The following CLUL1 variants were observed in gnomAD, a reference collection of about 807,000 sequenced individuals.
The protein encoded by CLUL1 is clusterin like 1.
CLUL1 carries 43 observed loss-of-function variants against 49.4 expected under a neutral mutation model. That is an observed-to-expected ratio of 0.87 (90% CI 0.68 to 1.12). The LOEUF is 1.12. Ranked by LOEUF, CLUL1 falls within the 50% of genes most tolerant of loss-of-function variation. The probability of loss-of-function intolerance (pLI) is 0.00; values close to 1 mark genes in which losing one functional copy is unlikely to be tolerated. For synonymous variants in CLUL1, 192 were observed against 184.9 expected (o/e 1.04, Z -0.31); for missense variants, 486 against 544.4 (o/e 0.89, Z 1.07).
At chr18:600,088 A>G (rs2072781979) in intron 1 of CLUL1, among the ~76,000 whole-genome samples, 1 of 152,170 alleles carries the variant, frequency 6.6e-6, no homozygotes, top group Admixed American at 6.5e-5. Context: ...TGTTAGATGG[A>G]TGATCACTTG....
At chr18:609,810 C>T (rs547963531) in intron 2 of CLUL1, among the ~76,000 whole-genome samples, 12 of 114,962 alleles carry the variant, frequency 1.0e-4, no homozygotes, top group South Asian at 3.1e-4. Context: ...GGTGACAAAG[C>T]GAGACTCTGT....
chr18:624,718 T>C, intron 4 of CLUL1, 147 bp from the exon 5 acceptor site: 1 of 657,776 alleles, frequency 1.5e-6, no homozygotes. Context: ...ACAGAAAGCT[T>C]TGGGGGAGAT....
chr18:610,396 G>A (rs1472208262), intron 2 of CLUL1, among the ~76,000 whole-genome samples: 2 of 152,200 alleles, frequency 1.3e-5, no homozygotes, highest in Non-Finnish European at 2.9e-5. Context: ...AGAAGTCTGG[G>A]ATGATTCCCA....
At chr18:633,480 G>A in intron 7 of CLUL1, 45 bp downstream of exon 7, 1 of 1,540,750 alleles carries the variant, frequency 6.5e-7, no homozygotes, top group Non-Finnish European at 8.9e-7. Flanking sequence ...TAAGTTCTCA[G>A]GTACATTTTG....
chr18:627,554 C>T (rs1002496965), intron 6 of CLUL1, 25 bp downstream of exon 6: 4 of 1,523,956 alleles, frequency 2.6e-6, no homozygotes, highest in Non-Finnish European at 1.8e-6. Context: ...ATTACTTTTA[C>T]TTAGAGGTTT....
At chr18:631,304 T>C (rs1043528756) in intron 6 of CLUL1, among the ~76,000 whole-genome samples, 22 of 152,334 alleles carry the variant, frequency 1.4e-4, no homozygotes, top group African/African-American at 4.6e-4. Context: ...CTTGGAATTA[T>C]CTTCATTTGC....
At chr18:637,365 C>G (rs1374923672) in intron 7 of CLUL1, among the ~76,000 whole-genome samples, 1 of 152,102 alleles carries the variant, frequency 6.6e-6, no homozygotes, top group Admixed American at 6.5e-5. Context: ...GGCCACAGAA[C>G]AAGAACAAGG....
chr18:638,710 T>C (rs2074232959), intron 7 of CLUL1, among the ~76,000 whole-genome samples: 1 of 151,188 alleles, frequency 6.6e-6, no homozygotes, highest in Non-Finnish European at 1.5e-5. Flanking sequence ...ATATAAAAAT[T>C]AGCCAGGTGT....
chr18:640,156 A>C (rs1042341073), intron 7 of CLUL1, among the ~76,000 whole-genome samples: 6 of 152,190 alleles, frequency 3.9e-5, no homozygotes, highest in African/African-American at 1.4e-4. Flanking sequence ...TAGACCTTGA[A>C]GTGATCTTTG....
chr18:619,363 TAC>T lies in CLUL1; in HGVS notation c.255+4_255+5del. On this transcript the variant is annotated splice_donor_region_variant and intron_variant, in intron 4 of 9. Coordinates refer to ENST00000692774, the MANE Select transcript of CLUL1 (RefSeq NM_001393344.1). ...AAGAAATGCAGAGAAGAAAAGCAGG[TAC>T]AGTCATTGAAAATAATGTCTGTTCT... 1 of 1,609,592 alleles carries T rather than the reference TAC, an allele frequency of 6.2e-7. No individual in the cohort carries two copies. The highest frequency in any genetic ancestry group is 8.5e-7 in the Non-Finnish European group (1 of 1,178,416).
In CLUL1 at chr18:641,118, A is replaced by G. The variant is rs1328727914; in HGVS notation, c.995-209A>G. On this transcript the variant is annotated intron_variant, in intron 7 of 9. Coordinates refer to ENST00000692774, the MANE Select transcript of CLUL1 (RefSeq NM_001393344.1). ...GTCTCCAGCCCAGTTTCTGTTACAT[A>G]AAACCATATAATTAACAGTTAAACT... 3.9e-5 allele frequency among the ~76,000 whole-genome samples: 6 copies of G among 152,210 alleles called. No homozygotes were observed. In the East Asian group the frequency reaches 1.2e-3, roughly 29 times the overall value.
intron 2 of CLUL1, chr18:612,659 C>A (rs2073170774): frequency 6.6e-6 from 1 of 152,232 alleles, no homozygotes; most frequent in East Asian, 1.9e-4. Context: ...GTAGCTCCTC[C>A]CCTTCTAAGT....
At chr18:604,622 A>G (rs1179627474) in intron 1 of CLUL1, among the ~76,000 whole-genome samples, 1 of 152,252 alleles carries the variant, frequency 6.6e-6, no homozygotes, top group East Asian at 1.9e-4. Context: ...AACATAAACT[A>G]TGAACTTAAA....
Position 618,203 on chromosome 18 carries a change from C to A in CLUL1, c.106+97C>A. 1 of 884,340 alleles carries A rather than the reference C, an allele frequency of 1.1e-6. No homozygotes were observed. Among genetic ancestry groups the A allele is most frequent in the Admixed American group, 2.1e-5 (1 of 46,692 alleles). The allele number at this position is 884,340 out of a possible 1,614,324, so 54.8% of individuals were successfully genotyped here. A position where few individuals can be genotyped will look rare whatever the true frequency, so the allele number is the denominator to read the frequency against. On this transcript the variant is annotated intron_variant, in intron 3 of 9. Coordinates refer to ENST00000692774, the MANE Select transcript of CLUL1 (RefSeq NM_001393344.1). The surrounding 1 kb of genome is among the most constrained non-coding windows in gnomAD (Gnocchi z 4.2). The stretch of plus-strand genomic sequence containing the variant: ...CGCAGTTGAGAGATAACCATATTCG[C>A]TGTTTTCACGGTGAAACGTTCTCAA...
At chr18:609,635 C>T (rs2143950546) in intron 2 of CLUL1, among the ~76,000 whole-genome samples, 1 of 152,004 alleles carries the variant, frequency 6.6e-6, no homozygotes, top group Non-Finnish European at 1.5e-5. Context: ...ACCAGCCTGG[C>T]CAACATGGTG....
chr18:607,033 TG>T lies in CLUL1; in HGVS notation c.-79del, dbSNP rs2072991155. The T allele has an allele frequency of 1.4e-6, 1 of 701,566 alleles. No individual in the cohort carries two copies. The highest frequency in any genetic ancestry group is 2.6e-6 in the Non-Finnish European group (1 of 384,580). 43.5% of individuals were successfully genotyped at this position (701,566 alleles called of 1,614,324 possible). ...GTTCAGTGGCATGTTCATAGCTCACTGAAGCCTCAAATTCCTGGGTTCAAGT... is the reference window on the plus strand; with the variant it reads ...GTTCAGTGGCATGTTCATAGCTCACTAAGCCTCAAATTCCTGGGTTCAAGT... On this transcript the variant is annotated 5_prime_UTR_variant, in exon 2 of 10. It removes the in-frame stop codon of an upstream open reading frame in the 5' UTR. Coordinates refer to ENST00000692774, the MANE Select transcript of CLUL1 (RefSeq NM_001393344.1).
At chr18:639,201 C>T (rs558795947) in intron 7 of CLUL1, among the ~76,000 whole-genome samples, 5 of 150,880 alleles carry the variant, frequency 3.3e-5, no homozygotes, top group Non-Finnish European at 5.9e-5. Context: ...CCAAGGCAGG[C>T]GGATCACGAG....
intron 7 of CLUL1, among the ~76,000 whole-genome samples, chr18:637,994 T>A (rs2074204740): frequency 6.6e-6 from 1 of 151,698 alleles, no homozygotes; most frequent in Non-Finnish European, 1.5e-5. Context: ...AATAAACAGA[T>A]AAATAAAATT....
chr18:649,696 G>C (rs1236355680), intron 9 of CLUL1: 3 of 496,278 alleles, frequency 6.0e-6, no homozygotes, highest in Non-Finnish European at 1.1e-5. Flanking sequence ...CAGGAAAGCT[G>C]TGACGATTTC....
Sources: allele counts gnomAD v4.1 joint callset (sites outside exome capture counted in the v4.1 genomes callset), GRCh38; gene constraint gnomAD v4.1.1; non-coding constraint Gnocchi (gnomAD v3.1); transcripts MANE v1.5; gene names NCBI Gene and HGNC (gene_info 2026-07-23, HGNC 2026-07-21).